Variants in FBXL5 observed in about 807,000 individuals in gnomAD.
FBXL5 encodes F-box/LRR-repeat protein 5.
Under a neutral mutation model 78.3 loss-of-function variants are expected in FBXL5, and 26 were observed. The ratio of observed to expected loss-of-function variants is 0.33; its 90% CI spans 0.24 to 0.46. The LOEUF is 0.46. Among genes scored for constraint, FBXL5 ranks in the 20% least tolerant of loss-of-function variants. The pLI, the probability that FBXL5 is intolerant of heterozygous loss-of-function variation, is 1.00. For synonymous variants in FBXL5, 295 were observed against 282.5 expected, an observed-to-expected ratio of 1.04 and a Z score of -0.45; for missense variants, 710 against 829.2, an observed-to-expected ratio of 0.86 and a Z score of 1.77.
At chr4:15,665,893 G>A (rs1409609910) in intron 1 of FBXL5, among the ~76,000 whole-genome samples, 1 of 152,060 alleles carries the variant, frequency 6.6e-6, no homozygotes, top group African/African-American at 2.4e-5. Flanking sequence ...AAAGGAATCT[G>A]GATCACAAGT....
intron 1 of FBXL5, among the ~76,000 whole-genome samples, chr4:15,672,740 T>C (rs1459232374): frequency 6.6e-6 from 1 of 152,212 alleles, no homozygotes; most frequent in Admixed American, 6.5e-5. Context: ...CTTAAATACA[T>C]TAAATTTATT....
intron 8 of FBXL5, 136 bp from the exon 9 acceptor site, chr4:15,626,113 T>C (rs1713035846): frequency 1.2e-6 from 1 of 824,766 alleles, no homozygotes; most frequent in South Asian, 2.1e-5. Context: ...GAATTATCTA[T>C]TGTTAAGGTA....
chr4:15,676,261 A>C (rs2148825073), intron 1 of FBXL5, among the ~76,000 whole-genome samples: 1 of 152,326 alleles, frequency 6.6e-6, no homozygotes, highest in South Asian at 2.1e-4. Context: ...CTACCGCATA[A>C]AAAGCATAAG....
At chr4:15,614,994 G>T (rs1397691521) in intron 9 of FBXL5, among the ~76,000 whole-genome samples, 1 of 152,162 alleles carries the variant, frequency 6.6e-6, no homozygotes, top group African/African-American at 2.4e-5. Flanking sequence ...GGCTTGGCGG[G>T]CCCCGCACTC....
intron 2 of FBXL5, chr4:15,641,706 A>G: frequency 2.3e-6 from 1 of 429,556 alleles, no homozygotes; most frequent in Non-Finnish European, 4.6e-6. Context: ...CCTAATCCCC[A>G]TGTTGTTCAA....
Position 15,636,621 on chromosome 4 carries a change from C to CGTA in FBXL5, c.638_639insTAC (p.Met213delinsIleThr). 1 of 1,613,966 alleles carries CGTA rather than the reference C, an allele frequency of 6.2e-7. No homozygotes were observed. Among genetic ancestry groups the CGTA allele is most frequent in the South Asian group, 1.1e-5 (1 of 91,068 alleles). ...GATTAAGATAGCTGAAAATTGACAG[C>CGTA]ATTACCTCAGGAGGAAGATGGGTTA... On this transcript the variant is annotated protein_altering_variant, in exon 5 of 11. Transcript: ENST00000341285.
intron 10 of FBXL5, among the ~76,000 whole-genome samples, chr4:15,610,500 T>C (rs1187988141): frequency 6.6e-6 from 1 of 152,036 alleles, no homozygotes; most frequent in Non-Finnish European, 1.5e-5. Context: ...CAATCATTTA[T>C]CCAAAAAAAC....
At position 15,640,794 on chromosome 4, in the gene FBXL5, T is replaced by C. The variant is rs147611465; in HGVS notation, c.390A>G (p.Glu130=). ...AAAGAAAAATTATGCTTACCTCCTC[T>C]TCCTCTTTCATGTGAGGAAGAAAAT... ...TRDFLPHMKE[E]EEVFQPMLME... is the part of the protein sequence containing the mutation. Residue 130 remains glutamate (E), a synonymous_variant, in exon 3 of 11, where the codon GAA becomes GAG. Coordinates refer to ENST00000341285, the MANE Select transcript of FBXL5 (RefSeq NM_012161.4). 17 of 1,531,068 alleles carry C rather than the reference T, an allele frequency of 1.1e-5. No individual in the cohort carries two copies. In the East Asian group the frequency reaches 1.7e-4, roughly 15 times the overall value. 94.8% of individuals were successfully genotyped at this position (1,531,068 alleles called of 1,614,324 possible).
At chr4:15,660,387 A>G (rs564559579), upstream of FBXL5, among the ~76,000 whole-genome samples, 1 of 152,280 alleles carries the variant, frequency 6.6e-6, no homozygotes, top group Non-Finnish European at 1.5e-5. Flanking sequence ...CAGCCCCGAC[A>G]TTGTTTTAAA....
Position 15,640,821 on chromosome 4 carries a change from T to G in FBXL5, c.363A>C (p.Arg121Ser), listed in dbSNP as rs138828275. 2 of 1,570,564 alleles carry G rather than the reference T, an allele frequency of 1.3e-6. No individual in the cohort carries two copies. The highest frequency in any genetic ancestry group is 2.8e-5 in the African/African-American group (2 of 72,348). Residue 121 changes from arginine (R) to serine (S), a missense_variant, in exon 3 of 11, where the codon AGA (arginine) becomes AGC (serine). Coordinates refer to ENST00000341285, the MANE Select transcript of FBXL5 (RefSeq NM_012161.4). ...CCTCTTTCATGTGAGGAAGAAAATC[T>G]CTTGTAAAAGCCTCCAATCTCTCTT... ...QLKERLEAFT[R>S]DFLPHMKEEE...
At chr4:15,637,867 C>T (rs556423015) in intron 4 of FBXL5, among the ~76,000 whole-genome samples, 5 of 149,676 alleles carry the variant, frequency 3.3e-5, no homozygotes, top group Non-Finnish European at 7.4e-5. Flanking sequence ...AGCAAAGCTA[C>T]TGAACATAAA....
At position 15,604,421 on chromosome 4, in the gene FBXL5, T is replaced by C. The variant is rs1403444618; in HGVS notation, c.*1302A>G. The C allele has an allele frequency of 1.3e-5, 2 of 152,206 alleles. No individual in the cohort carries two copies. The highest frequency in any genetic ancestry group is 4.8e-5 in the African/African-American group (2 of 41,444). 9.4% of individuals were successfully genotyped at this position (152,206 alleles called of 1,614,324 possible). Reference sequence around the variant, plus strand: ...CTCTGTCTTATTAGGGCACAGTTCATGGCATTCCAAAGCAATTACAATAGT... The same window carrying C: ...CTCTGTCTTATTAGGGCACAGTTCACGGCATTCCAAAGCAATTACAATAGT... On this transcript the variant is annotated 3_prime_UTR_variant, in exon 11 of 11. Coordinates refer to ENST00000341285, the MANE Select transcript of FBXL5 (RefSeq NM_012161.4).
chr4:15,659,164 GT>G (rs1021028458), upstream of FBXL5, among the ~76,000 whole-genome samples: 5 of 152,208 alleles, frequency 3.3e-5, no homozygotes, highest in African/African-American at 1.2e-4. Context: ...TTTCTTAGCA[GT>G]TTTAAGTACC....
intron 1 of FBXL5, among the ~76,000 whole-genome samples, chr4:15,680,531 G>A (rs112871891): frequency 6.6e-6 from 1 of 152,042 alleles, no homozygotes; most frequent in African/African-American, 2.4e-5. Flanking sequence ...ACAAAAATTA[G>A]CCTGGCATGG....
At chr4:15,647,336 A>G (rs1715481048) in intron 1 of FBXL5, among the ~76,000 whole-genome samples, 1 of 152,062 alleles carries the variant, frequency 6.6e-6, no homozygotes, top group African/African-American at 2.4e-5. Flanking sequence ...ATTATGTATT[A>G]TAAGTAATCT....
chr4:15,680,096 C>T lies in FBXL5; in HGVS notation c.-284+1287G>A, dbSNP rs116760799. 8.7e-3 allele frequency among the ~76,000 whole-genome samples: 1,313 copies of T among 151,412 alleles called. 21 individuals carry two copies. The highest frequency in any genetic ancestry group is 0.012 in the Non-Finnish European group (808 of 67,898). On this transcript the variant is annotated intron_variant, in intron 1 of 4. Coordinates refer to the FBXL5 transcript ENST00000507899. ...ATTGAATACTGATAAGGAGGAATATCCAGAATATACAGTAAAACAGGAAAA... is the reference window on the plus strand; with the variant it reads ...ATTGAATACTGATAAGGAGGAATATTCAGAATATACAGTAAAACAGGAAAA...
intron 7 of FBXL5, among the ~76,000 whole-genome samples, 176 bp from the exon 8 acceptor site, chr4:15,627,131 CTT>C (rs33920814): frequency 0.015 from 1,334 of 87,854 alleles, 5 homozygotes; most frequent in Non-Finnish European, 0.02. Context: ...CTGAGAATCT[CTT>C]TTTTTTTTTT....
upstream of FBXL5, among the ~76,000 whole-genome samples, chr4:15,663,240 A>T (rs577037359): frequency 6.6e-6 from 1 of 152,352 alleles, no homozygotes; most frequent in South Asian, 2.1e-4. Flanking sequence ...GTCATTCATT[A>T]TTGAAAAACT....
At chr4:15,622,850 A>G (rs1712622902) in intron 9 of FBXL5, among the ~76,000 whole-genome samples, 1 of 152,190 alleles carries the variant, frequency 6.6e-6, no homozygotes, top group African/African-American at 2.4e-5. Flanking sequence ...TCCCAAAATG[A>G]ATTTTTCCTT....
Sources: allele counts gnomAD v4.1 joint callset (sites outside exome capture counted in the v4.1 genomes callset), GRCh38; gene constraint gnomAD v4.1.1; transcripts MANE v1.5; gene names NCBI Gene and HGNC (gene_info 2026-07-23, HGNC 2026-07-21).